CSMD1: variants seen among roughly 807,000 people sequenced by gnomAD.
CSMD1 encodes CUB and sushi domain-containing protein 1.
A neutral mutation model predicts 417.5 loss-of-function variants in CSMD1; 213 were observed. That is an observed-to-expected ratio of 0.51 (90% confidence interval 0.46 to 0.57). CSMD1 has a LOEUF of 0.57. Ranked by LOEUF, CSMD1 falls within the 20% of genes least tolerant of loss-of-function variation. The pLI, the probability that CSMD1 is intolerant of heterozygous loss-of-function variation, is 0.00. For missense variants in CSMD1, 6,923 were observed against 4,529.7 expected, an observed-to-expected ratio of 1.53 and a Z score of -15.17; for synonymous variants, 2,862 against 1,736.8, an observed-to-expected ratio of 1.65 and a Z score of -16.11.
intron 26 of CSMD1, among the ~76,000 whole-genome samples, chr8:3,246,599 G>T (rs1337216447): frequency 6.6e-6 from 1 of 152,146 alleles, no homozygotes; most frequent in East Asian, 1.9e-4. Flanking sequence ...AGCCTCCTGA[G>T]TAGCTGGGAT....
intron 52 of CSMD1, among the ~76,000 whole-genome samples, chr8:3,017,663 T>C (rs1041354814): frequency 1.3e-5 from 2 of 152,068 alleles, no homozygotes; most frequent in Admixed American, 6.5e-5. Context: ...CCTTTCATCT[T>C]GTTTCTTCAA....
chr8:4,361,415 C>T (rs527371553), intron 3 of CSMD1, among the ~76,000 whole-genome samples: 11 of 152,116 alleles, frequency 7.2e-5, no homozygotes, highest in Non-Finnish European at 1.2e-4. Context: ...GGCACTGCTT[C>T]TAAGTAATCT....
intron 1 of CSMD1, among the ~76,000 whole-genome samples, chr8:4,890,296 A>C (rs1804025536): frequency 2.0e-5 from 3 of 152,160 alleles, no homozygotes; most frequent in Non-Finnish European, 4.4e-5. Flanking sequence ...ATGTCTACGA[A>C]GTAAGCTGAA....
chr8:3,538,418 G>C (rs1169960668), intron 10 of CSMD1, among the ~76,000 whole-genome samples: 3 of 151,430 alleles, frequency 2.0e-5, no homozygotes, highest in Admixed American at 2.0e-4. Flanking sequence ...ACCTAAAATG[G>C]TGCACTTGAG....
At chr8:4,450,822 T>A (rs1375223682) in intron 2 of CSMD1, among the ~76,000 whole-genome samples, 3 of 152,182 alleles carry the variant, frequency 2.0e-5, no homozygotes, top group Non-Finnish European at 4.4e-5. Context: ...ATAAACATAC[T>A]GCACTTGTGA....
chr8:4,565,638 A>T (rs1224916231), intron 2 of CSMD1, among the ~76,000 whole-genome samples: 1 of 151,464 alleles, frequency 6.6e-6, no homozygotes, highest in African/African-American at 2.4e-5. Flanking sequence ...AGGAGGCTGA[A>T]GCAGGAGAAC....
rs184330807 is a variant in CSMD1 at position 4,337,226 on chromosome 8, G to T, written c.415+82727C>A. On this transcript the variant is annotated intron_variant, in intron 3 of 69. Transcript: ENST00000635120. ...GAGACTTTCAATCTTTACCCAGGAG[G>T]CAAAAACTCCACTGCCTGATAAAAC... 7.2e-5 allele frequency among the ~76,000 whole-genome samples: 11 copies of T among 152,132 alleles called. No individual in the cohort carries two copies. In the East Asian group the frequency reaches 2.1e-3, roughly 30 times the overall value.
chr8:4,896,198 G>T (rs1160182143), intron 1 of CSMD1, among the ~76,000 whole-genome samples: 1 of 151,976 alleles, frequency 6.6e-6, no homozygotes, highest in Admixed American at 6.6e-5. Flanking sequence ...CATGGCTTTT[G>T]TGAAGTGTCT....
intron 41 of CSMD1, among the ~76,000 whole-genome samples, chr8:3,137,662 A>G (rs1179255587): frequency 6.6e-6 from 1 of 152,226 alleles, no homozygotes; most frequent in African/African-American, 2.4e-5. Flanking sequence ...CCATCTCTAA[A>G]TTTCTTATAA....
intron 3 of CSMD1, among the ~76,000 whole-genome samples, chr8:4,413,262 C>T (rs2128935877): frequency 6.6e-6 from 1 of 152,312 alleles, no homozygotes; most frequent in Middle Eastern, 3.4e-3. Flanking sequence ...CTTTCCTTTC[C>T]TTGAGGCTGA....
chr8:3,765,839 C>CTT (rs1204686042), intron 5 of CSMD1, among the ~76,000 whole-genome samples: 2 of 152,114 alleles, frequency 1.3e-5, no homozygotes, highest in Non-Finnish European at 2.9e-5. Context: ...CACACCTTCA[C>CTT]CATTGAGGAA....
intron 5 of CSMD1, among the ~76,000 whole-genome samples, chr8:3,863,873 C>G (rs1181542772): frequency 6.6e-6 from 1 of 151,944 alleles, no homozygotes; most frequent in Non-Finnish European, 1.5e-5. Context: ...CTTTCAGTTT[C>G]AAAGATTCGT....
intron 12 of CSMD1, among the ~76,000 whole-genome samples, chr8:3,424,400 A>T (rs1346584722): frequency 2.0e-5 from 3 of 152,218 alleles, no homozygotes; most frequent in Non-Finnish European, 4.4e-5. Flanking sequence ...ATTCATTGAG[A>T]GTGTACCAAG....
At chr8:3,004,369 G>A (rs1047580195) in intron 52 of CSMD1, among the ~76,000 whole-genome samples, 1 of 152,156 alleles carries the variant, frequency 6.6e-6, no homozygotes, top group Non-Finnish European at 1.5e-5. Context: ...TTCTTGAGAA[G>A]TGTGTGTCAG....
chr8:4,205,030 G>C (rs947187819), intron 3 of CSMD1, among the ~76,000 whole-genome samples: 5 of 152,058 alleles, frequency 3.3e-5, no homozygotes, highest in African/African-American at 4.8e-5. Context: ...ATTCAAGCAA[G>C]AGTAATTTAC....
intron 3 of CSMD1, among the ~76,000 whole-genome samples, chr8:4,170,463 A>T (rs1232154959): frequency 6.6e-6 from 1 of 151,904 alleles, no homozygotes; most frequent in African/African-American, 2.4e-5. Context: ...CCTAATCTAT[A>T]GGTGCCTCTA....
intron 18 of CSMD1, among the ~76,000 whole-genome samples, chr8:3,383,401 G>A (rs952379980): frequency 6.6e-6 from 1 of 151,954 alleles, no homozygotes; most frequent in Non-Finnish European, 1.5e-5. Flanking sequence ...ATGGAGGGAA[G>A]CCTTCTTCCA....
intron 8 of CSMD1, among the ~76,000 whole-genome samples, chr8:3,591,891 T>C (rs1043826855): frequency 1.3e-5 from 2 of 151,948 alleles, no homozygotes; most frequent in African/African-American, 4.8e-5. Flanking sequence ...AGATGACAGA[T>C]AGCTGGATGG....
At chr8:4,168,418 T>C (rs943571457) in intron 3 of CSMD1, among the ~76,000 whole-genome samples, 3 of 152,098 alleles carry the variant, frequency 2.0e-5, no homozygotes, top group Non-Finnish European at 4.4e-5. Flanking sequence ...ATATTTTACA[T>C]TTATTTTTTA....
Sources: allele counts gnomAD v4.1 joint callset (sites outside exome capture counted in the v4.1 genomes callset), GRCh38; gene constraint gnomAD v4.1.1; transcripts MANE v1.5; gene names NCBI Gene and HGNC (gene_info 2026-07-23, HGNC 2026-07-21).